Variants in PTPRT observed in about 807,000 individuals in gnomAD.
PTPRT encodes the protein protein tyrosine phosphatase receptor type T.
PTPRT carries 56 observed loss-of-function variants against 176.8 expected under a neutral mutation model. The ratio of observed to expected loss-of-function variants is 0.32; its 90% CI spans 0.26 to 0.40. The LOEUF (loss-of-function observed/expected upper bound fraction) is 0.40, where lower values mean the gene tolerates loss of function less well. PTPRT is among the 10% of genes least tolerant of loss of function. The probability of loss-of-function intolerance (pLI) is 1.00; values close to 1 mark genes in which losing one functional copy is unlikely to be tolerated. For missense variants in PTPRT, 1,540 were observed against 1,908.2 expected, an observed-to-expected ratio of 0.81 and a Z score of 3.60; for synonymous variants, 783 against 739.0, an observed-to-expected ratio of 1.06 and a Z score of -0.96.
chr20:42,573,896 G>A (rs1434647666), intron 7 of PTPRT, among the ~76,000 whole-genome samples: 7 of 151,848 alleles, frequency 4.6e-5, no homozygotes, highest in East Asian at 3.9e-4. Flanking sequence ...TTACAGGCCC[G>A]TGCCACCACG....
At chr20:42,580,812 G>C (rs374092591) in intron 7 of PTPRT, among the ~76,000 whole-genome samples, 1 of 152,134 alleles carries the variant, frequency 6.6e-6, no homozygotes, top group Non-Finnish European at 1.5e-5. Context: ...GGGCTGAGAC[G>C]ATGGGGTTTT....
In PTPRT at chr20:42,352,306, CA is replaced by C. The variant is rs761193152; in HGVS notation, c.1561-22del. The stretch of plus-strand genomic sequence containing the variant: ...TTGATCTGTAGGACAAGCCAGCAAA[CA>C]AACAAACAAATAAATGCCTCACTCA... On this transcript the variant is annotated intron_variant, in intron 9 of 30. Transcript: ENST00000373187. The C allele has an allele frequency of 1.4e-5, 23 of 1,612,800 alleles. No homozygotes were observed. The African/African-American group carries it at 2.5e-4, about 18-fold the overall frequency.
intron 1 of PTPRT, among the ~76,000 whole-genome samples, chr20:43,107,643 C>T (rs965441506): frequency 9.9e-5 from 15 of 152,150 alleles, no homozygotes; most frequent in Non-Finnish European, 2.2e-4. Flanking sequence ...GGATCAATAT[C>T]GCAATTACAC....
chr20:42,041,560 A>G, the PTPRT span, among the ~76,000 whole-genome samples: 3 of 152,270 alleles, frequency 2.0e-5, no homozygotes, highest in African/African-American at 4.8e-5. Flanking sequence ...TTCATAAAGC[A>G]CTTTTACGTA....
intron 1 of PTPRT, among the ~76,000 whole-genome samples, chr20:43,091,182 A>C (rs1036513629): frequency 1.3e-5 from 2 of 152,084 alleles, no homozygotes; most frequent in Admixed American, 1.3e-4. Flanking sequence ...GCAGTGAGCC[A>C]AGATGGCGCC....
intron 1 of PTPRT, among the ~76,000 whole-genome samples, chr20:42,899,254 AT>A (rs1187120175): frequency 6.6e-6 from 1 of 152,248 alleles, no homozygotes; most frequent in Non-Finnish European, 1.5e-5. Context: ...GCCATGGGTC[AT>A]CCCCCGTCTC....
At chr20:42,944,539 C>T (rs1440522117) in intron 1 of PTPRT, among the ~76,000 whole-genome samples, 1 of 152,198 alleles carries the variant, frequency 6.6e-6, no homozygotes, top group African/African-American at 2.4e-5. Context: ...CAGCTACTTT[C>T]CACTTGCTGT....
chr20:42,158,664 T>C (rs1048532776), intron 17 of PTPRT, among the ~76,000 whole-genome samples: 3 of 152,222 alleles, frequency 2.0e-5, no homozygotes, highest in Non-Finnish European at 2.9e-5. Context: ...AGCTGTATTC[T>C]GGGCTGGACA....
chr20:42,311,690 A>AC (rs200035969), intron 12 of PTPRT, among the ~76,000 whole-genome samples: 3,988 of 150,416 alleles, frequency 0.027, 81 homozygotes, highest in Admixed American at 0.038. Flanking sequence ...ACACTTTTTT[A>AC]CCCCCCCGTC....
chr20:42,207,058 C>G (rs1463269740), intron 15 of PTPRT, among the ~76,000 whole-genome samples: 1 of 152,074 alleles, frequency 6.6e-6, no homozygotes, highest in Non-Finnish European at 1.5e-5. Context: ...GCAGGGTATT[C>G]CAACAGACCT....
intron 3 of PTPRT, among the ~76,000 whole-genome samples, chr20:42,780,790 T>C (rs900198846): frequency 6.6e-6 from 1 of 152,172 alleles, no homozygotes; most frequent in Non-Finnish European, 1.5e-5. Flanking sequence ...ATAATAACAC[T>C]CTTAAAAATA....
rs56329932 is a variant in PTPRT at position 42,169,743 on chromosome 20, AACACACACACACACAC to A, written c.2492-8217_2492-8202del. On this transcript the variant is annotated intron_variant, in intron 16 of 30. Coordinates refer to ENST00000373187, the MANE Select transcript of PTPRT (RefSeq NM_007050.6). ...GATACCGTGAAAAGTACAATTTTCA[AACACACACACACACAC>A]ACACACACACACACACACACACACA... is the stretch of plus-strand genomic sequence containing the variant. Among the ~76,000 whole-genome samples, 129 of 104,634 alleles carry A rather than the reference AACACACACACACACAC, an allele frequency of 1.2e-3. 1 individual carries two copies. The highest frequency in any genetic ancestry group is 3.2e-3 in the African/African-American group (82 of 26,000). 68.6% of individuals were successfully genotyped at this position (104,634 alleles called of 152,430 possible). A position where few individuals can be genotyped will look rare whatever the true frequency, so the allele number is the denominator to read the frequency against.
At chr20:42,158,564 T>C (rs911675137) in intron 17 of PTPRT, among the ~76,000 whole-genome samples, 2 of 152,154 alleles carry the variant, frequency 1.3e-5, no homozygotes, top group African/African-American at 4.8e-5. Flanking sequence ...TTATCTGCAA[T>C]AGGACAATGA....
intron 3 of PTPRT, among the ~76,000 whole-genome samples, chr20:42,786,763 G>C (rs1223318815): frequency 6.6e-6 from 1 of 152,118 alleles, no homozygotes; most frequent in Non-Finnish European, 1.5e-5. Context: ...AACCTTAAAG[G>C]CTCACTGACC....
chr20:42,486,509 A>G (rs2071466699), intron 7 of PTPRT, among the ~76,000 whole-genome samples: 1 of 152,198 alleles, frequency 6.6e-6, no homozygotes. Context: ...TCCTGGCCCC[A>G]GATTTATATT....
Position 42,899,170 on chromosome 20 carries a change from T to C in PTPRT, c.89-13238A>G, listed in dbSNP as rs149152143. Among the ~76,000 whole-genome samples the C allele has an allele frequency of 3.7e-3, 562 of 152,362 alleles. 6 individuals carry two copies. The highest frequency in any genetic ancestry group is 0.013 in the African/African-American group (540 of 41,586). ...TGCCCACTCAGATGCCAGAATAGCA[T>C]CTTTCATCTTTTCTCACGCAACAGT... On this transcript the variant is annotated intron_variant, in intron 1 of 30. Coordinates refer to ENST00000373187, the MANE Select transcript of PTPRT (RefSeq NM_007050.6).
At chr20:42,800,594 TGGC>T (rs1278128380) in intron 2 of PTPRT, among the ~76,000 whole-genome samples, 1 of 152,184 alleles carries the variant, frequency 6.6e-6, no homozygotes. Flanking sequence ...ACACATCCGT[TGGC>T]ATGATAATAT....
chr20:43,086,845 C>T (rs900714248), intron 1 of PTPRT, among the ~76,000 whole-genome samples: 2 of 152,106 alleles, frequency 1.3e-5, no homozygotes, highest in Non-Finnish European at 2.9e-5. Flanking sequence ...TAGGTAAATG[C>T]CAGCAGAACT....
intron 1 of PTPRT, among the ~76,000 whole-genome samples, chr20:43,058,816 A>AT (rs141784790): frequency 0.12 from 18,653 of 151,516 alleles, 1,235 homozygotes; most frequent in Middle Eastern, 0.18. Context: ...AGAAAACCTT[A>AT]TTTTTTTTTC....
Sources: gnomAD v4.1 joint callset for allele counts (sites outside exome capture counted in the v4.1 genomes callset) on GRCh38, gnomAD v4.1.1 for gene constraint, MANE v1.5 for transcripts, NCBI Gene and HGNC (gene_info 2026-07-23, HGNC 2026-07-21) for gene names.